Variants in YAE1 observed in about 807,000 individuals in gnomAD.
YAE1 encodes YAE1 maturation factor of ABCE1, also known as protein YAE1 homolog.
Under a neutral mutation model 23.0 loss-of-function variants are expected in YAE1, and 22 were observed. The ratio of observed to expected loss-of-function variants is 0.96; its 90% confidence interval spans 0.68 to 1.37. The LOEUF is 1.37. YAE1 is among the 40% of genes most tolerant of loss of function. The pLI, the probability that YAE1 is intolerant of heterozygous loss-of-function variation, is 0.00. For missense variants in YAE1, 260 were observed against 262.1 expected, an observed-to-expected ratio of 0.99 and a Z score of 0.06; for synonymous variants, 101 against 97.0, an observed-to-expected ratio of 1.04 and a Z score of -0.24.
chr7:39,582,256 C>T (rs1385970876), intron 2 of YAE1, among the ~76,000 whole-genome samples: 1 of 152,058 alleles, frequency 6.6e-6, no homozygotes, highest in Non-Finnish European at 1.5e-5. Context: ...TAGTCTAGAA[C>T]TCCTGGGCTC....
chr7:39,609,836 T>TG lies in YAE1; in HGVS notation c.474dup (p.Thr159AspfsTer39). 6.5e-7 allele frequency: 1 copy of TG among 1,533,064 alleles called. No homozygotes were observed. Among genetic ancestry groups the TG allele is most frequent in the East Asian group, 2.5e-5 (1 of 40,794 alleles). The allele number at this position is 1,533,064 out of a possible 1,614,324, so 95.0% of individuals were successfully genotyped here. ...CCGCCCGGCTCCGGGCCCCAGGCCCTGGGACGCCGAGCCACCGCCGGCGTT... is the reference window on the plus strand; with the variant it reads ...CCGCCCGGCTCCGGGCCCCAGGCCCTGGGGACGCCGAGCCACCGCCGGCGTT... On this transcript the variant is annotated frameshift_variant, in exon 3 of 3. Coordinates refer to the YAE1 transcript ENST00000432096. LOFTEE classifies it low-confidence loss of function (END_TRUNC).
chr7:39,584,631 C>T (rs1790788197), intron 2 of YAE1, among the ~76,000 whole-genome samples: 1 of 152,044 alleles, frequency 6.6e-6, no homozygotes, highest in Non-Finnish European at 1.5e-5. Context: ...AGACCTGGTG[C>T]CAGCAAACGA....
intron 2 of YAE1, among the ~76,000 whole-genome samples, chr7:39,580,243 G>T (rs1211994998): frequency 6.6e-6 from 1 of 152,112 alleles, no homozygotes; most frequent in South Asian, 2.1e-4. Context: ...CCTCCAAACG[G>T]GAAGATAGTT....
intron 2 of YAE1, among the ~76,000 whole-genome samples, chr7:39,581,829 G>A (rs1013639422): frequency 1.1e-4 from 16 of 151,836 alleles, no homozygotes; most frequent in African/African-American, 3.9e-4. Context: ...CCGTGATCCT[G>A]CCACTGCACT....
intron 2 of YAE1, among the ~76,000 whole-genome samples, chr7:39,582,266 C>G (rs1790754365): frequency 1.3e-5 from 2 of 152,016 alleles, no homozygotes; most frequent in South Asian, 4.1e-4. Flanking sequence ...CTCCTGGGCT[C>G]AAGTGATCCT....
intron 2 of YAE1, among the ~76,000 whole-genome samples, chr7:39,592,091 C>T (rs1424306471): frequency 1.3e-5 from 2 of 152,206 alleles, no homozygotes; most frequent in African/African-American, 2.4e-5. Flanking sequence ...TACTAAAGGA[C>T]TTCTTGGTTT....
At chr7:39,569,983 C>G in intron 1 of YAE1, 1 of 1,361,164 alleles carries the variant, frequency 7.3e-7, no homozygotes, top group African/African-American at 1.4e-5. Flanking sequence ...GATCTTCTCC[C>G]CATTCAGCAA....
At chr7:39,577,523 G>A (rs748684386), downstream of YAE1, among the ~76,000 whole-genome samples, 5 of 152,216 alleles carry the variant, frequency 3.3e-5, no homozygotes, top group Non-Finnish European at 7.3e-5. Context: ...GGCCAGCAGG[G>A]AGGGAGGGGT....
chr7:39,600,607 G>A (rs1791041522), intron 2 of YAE1, among the ~76,000 whole-genome samples: 2 of 152,100 alleles, frequency 1.3e-5, no homozygotes, highest in Non-Finnish European at 1.5e-5. Flanking sequence ...ATGTTGGTCA[G>A]GCTGGTCTCG....
chr7:39,586,602 A>G lies in YAE1; in HGVS notation c.251+15975A>G, dbSNP rs187160224. Reference sequence around the variant, plus strand: ...AAGCTCCGCCTCCCAGGTTGATGCCATTCTCCTGCCTCAGCCTCCCAAGTA... The same window carrying G: ...AAGCTCCGCCTCCCAGGTTGATGCCGTTCTCCTGCCTCAGCCTCCCAAGTA... On this transcript the variant is annotated intron_variant, in intron 2 of 2. Transcript: ENST00000432096. 2.6e-4 allele frequency among the ~76,000 whole-genome samples: 39 copies of G among 149,734 alleles called. No homozygotes were observed. In the East Asian group the frequency reaches 7.5e-3, roughly 29 times the overall value.
rs558637658 is a variant in YAE1, at chr7:39,582,949, A to G, written c.251+12322A>G. Among the ~76,000 whole-genome samples, 68 of 152,348 alleles carry G rather than the reference A, an allele frequency of 4.5e-4. 1 individual carries two copies. In the South Asian group the frequency reaches 0.014, roughly 32 times the overall value. On this transcript the variant is annotated intron_variant, in intron 2 of 2. Transcript: ENST00000432096. ...TTTGGTATAGCAGAAGATGTATCAA[A>G]TCAAAGCCATTTATATACATTTACG... is the stretch of plus-strand genomic sequence containing the variant.
chr7:39,594,556 G>A (rs1790949161), intron 2 of YAE1, among the ~76,000 whole-genome samples: 1 of 151,810 alleles, frequency 6.6e-6, no homozygotes, highest in South Asian at 2.1e-4. Flanking sequence ...ATTACTTGTG[G>A]AATGGTTGGT....
At chr7:39,587,625 C>A (rs554683745) in intron 2 of YAE1, among the ~76,000 whole-genome samples, 1 of 152,198 alleles carries the variant, frequency 6.6e-6, no homozygotes, top group Non-Finnish European at 1.5e-5. Context: ...TGCAACACAT[C>A]TGCCACATCC....
intron 2 of YAE1, among the ~76,000 whole-genome samples, chr7:39,581,338 T>G (rs114795099): frequency 2.3e-3 from 356 of 152,374 alleles, no homozygotes; most frequent in African/African-American, 7.9e-3. Flanking sequence ...ACAAATGAGT[T>G]GTCAAATTGC....
chr7:39,610,643 T>G (rs1583689215), downstream of YAE1, among the ~76,000 whole-genome samples: 1 of 152,238 alleles, frequency 6.6e-6, no homozygotes, highest in Non-Finnish European at 1.5e-5. Context: ...TCTGTACATG[T>G]ACTTTAGATT....
downstream of YAE1, among the ~76,000 whole-genome samples, chr7:39,575,577 A>AGAGAGTGTGT (rs1173016799): frequency 1.9e-4 from 15 of 80,260 alleles, no homozygotes; most frequent in East Asian, 1.9e-3. Flanking sequence ...AGAGAGAGAG[A>AGAGAGTGTGT]GTGAGTGTGT....
At chr7:39,601,012 A>T (rs536873746) in intron 2 of YAE1, among the ~76,000 whole-genome samples, 5 of 152,232 alleles carry the variant, frequency 3.3e-5, no homozygotes, top group African/African-American at 9.6e-5. Context: ...ACAAGTCAGT[A>T]CTATCATCAT....
At chr7:39,570,022 A>G (rs1263028487) in intron 1 of YAE1, 2 of 1,359,610 alleles carry the variant, frequency 1.5e-6, no homozygotes, top group Non-Finnish European at 2.1e-6. Context: ...AATGGTTTTG[A>G]CAAGCAGGGC....
intron 2 of YAE1, among the ~76,000 whole-genome samples, chr7:39,571,402 T>A (rs1328888207): frequency 2.0e-5 from 3 of 151,766 alleles, no homozygotes; most frequent in African/African-American, 7.3e-5. Context: ...TTATACCCTT[T>A]ACACTGTCCT....
Sources: allele counts gnomAD v4.1 joint callset (sites outside exome capture counted in the v4.1 genomes callset), GRCh38; gene constraint gnomAD v4.1.1; transcripts MANE v1.5; gene names NCBI Gene and HGNC (gene_info 2026-07-23, HGNC 2026-07-21).